The following PSORS1C1 variants were observed in gnomAD, a reference collection of about 807,000 sequenced individuals.
The protein encoded by PSORS1C1 is psoriasis susceptibility 1 candidate 1.
In PSORS1C1, 7 loss-of-function variants were observed where a neutral mutation model predicts 9.4. The ratio of observed to expected loss-of-function variants is 0.75; its 90% CI spans 0.42 to 1.40. PSORS1C1 has a LOEUF of 1.40. Ranked by LOEUF, PSORS1C1 falls within the 40% of genes most tolerant of loss-of-function variation. The pLI, the probability that PSORS1C1 is intolerant of heterozygous loss-of-function variation, is 0.01. For missense variants in PSORS1C1, 146 were observed against 178.1 expected (o/e 0.82, Z 1.02); for synonymous variants, 63 against 69.4 (o/e 0.91, Z 0.46).
At position 31,117,771 on chromosome 6, in the gene PSORS1C1, G is replaced by C. The variant is rs1446695184; in HGVS notation, c.-229+2880G>C. 6 of 544,830 alleles carry C rather than the reference G, an allele frequency of 1.1e-5. No homozygotes were observed. The Admixed American group carries it at 1.2e-4, about 11-fold the overall frequency. The allele number at this position is 544,830 out of a possible 1,614,324, so 33.7% of individuals were successfully genotyped here. A position where few individuals can be genotyped will look rare whatever the true frequency, so the allele number is the denominator to read the frequency against. On this transcript the variant is annotated intron_variant, in intron 1 of 5. Coordinates refer to ENST00000259881, the MANE Select transcript of PSORS1C1 (RefSeq NM_014068.3). ...ACCAACCAGAAAAATAGAAAATTAG[G>C]TGCCAAAGTGAGTGGCCTCAAAGGA...
chr6:31,118,090 CAG>C (rs1772266774), intron 1 of PSORS1C1: 1 of 155,780 alleles, frequency 6.4e-6, no homozygotes, highest in East Asian at 1.9e-4. Flanking sequence ...AATCCTGGGC[CAG>C]ACAGTGGGAC....
At chr6:31,138,517 A>G in intron 4 of PSORS1C1, 58 bp downstream of exon 4, 1 of 1,607,358 alleles carries the variant, frequency 6.2e-7, no homozygotes, top group Non-Finnish European at 8.5e-7. Context: ...CCCCCGATGG[A>G]TCTGAACCGT....
chr6:31,135,074 C>G (rs1238461833), intron 3 of PSORS1C1, among the ~76,000 whole-genome samples: 1 of 152,194 alleles, frequency 6.6e-6, no homozygotes, highest in African/African-American at 2.4e-5. Context: ...ATTCGGCCTC[C>G]CGAAGTGCTG....
chr6:31,117,190 C>T, intron 1 of PSORS1C1: 2 of 1,613,268 alleles, frequency 1.2e-6, no homozygotes, highest in South Asian at 1.1e-5. Context: ...GCCGCTGTTT[C>T]CCGAGTGAGA....
chr6:31,135,809 G>A (rs1773112969), intron 3 of PSORS1C1, among the ~76,000 whole-genome samples: 1 of 151,542 alleles, frequency 6.6e-6, no homozygotes, highest in African/African-American at 2.4e-5. Context: ...GGCCAAGATG[G>A]GCCGATCACT....
chr6:31,136,080 G>A (rs1337240840), intron 3 of PSORS1C1, among the ~76,000 whole-genome samples: 1 of 150,120 alleles, frequency 6.7e-6, no homozygotes, highest in Admixed American at 6.6e-5. Flanking sequence ...GACATGAAAA[G>A]TAACTTATTG....
At position 31,125,796 on chromosome 6, in the gene PSORS1C1, A is replaced by G. The variant is rs1772656112; in HGVS notation, c.-108A>G. 6.6e-6 allele frequency: 1 copy of G among 152,262 alleles called. No homozygotes were observed. The allele number at this position is 152,262 out of a possible 1,614,324, so 9.4% of individuals were successfully genotyped here. A position where few individuals can be genotyped will look rare whatever the true frequency, so the allele number is the denominator to read the frequency against. On this transcript the variant is annotated 5_prime_UTR_variant, in exon 2 of 6. Transcript: ENST00000259881. Reference sequence around the variant, plus strand: ...GTGGCTTTGAAATGCAACAGAAACCATCACCCCCGGACCGTGGGCTCCATG... The same window carrying G: ...GTGGCTTTGAAATGCAACAGAAACCGTCACCCCCGGACCGTGGGCTCCATG...
intron 1 of PSORS1C1, among the ~76,000 whole-genome samples, chr6:31,119,810 G>A (rs1581842319): frequency 2.0e-5 from 3 of 152,268 alleles, no homozygotes; most frequent in African/African-American, 2.4e-5. Flanking sequence ...AGAGGCTGAG[G>A]CATGAGAGTC....
At chr6:31,126,687 C>G (rs1466347320) in intron 2 of PSORS1C1, among the ~76,000 whole-genome samples, 1 of 152,232 alleles carries the variant, frequency 6.6e-6, no homozygotes, top group Non-Finnish European at 1.5e-5. Flanking sequence ...GGAGTGAAGA[C>G]TGGGGCCAGA....
At chr6:31,138,395 C>T in intron 3 of PSORS1C1, 35 bp from the exon 4 acceptor site, 1 of 1,475,934 alleles carries the variant, frequency 6.8e-7, no homozygotes, top group Non-Finnish European at 9.4e-7. Flanking sequence ...AGGAGCCTGT[C>T]TGGATGGACG....
chr6:31,137,204 C>T (rs547532267), intron 3 of PSORS1C1, among the ~76,000 whole-genome samples: 3 of 151,842 alleles, frequency 2.0e-5, no homozygotes, highest in Non-Finnish European at 4.4e-5. Context: ...CGCGTGTAAT[C>T]CCAGCACTTT....
intron 1 of PSORS1C1, chr6:31,117,494 G>A: frequency 6.4e-7 from 1 of 1,551,240 alleles, no homozygotes. Flanking sequence ...TCCTTACAAG[G>A]GTCTGAGAAG....
chr6:31,121,281 G>A (rs143246031), intron 1 of PSORS1C1, among the ~76,000 whole-genome samples: 1,533 of 152,232 alleles, frequency 0.01, 30 homozygotes, highest in African/African-American at 0.033. Context: ...CCCTCCCCAT[G>A]GCTGGTAACC....
Position 31,117,579 on chromosome 6 carries a change from C to T in PSORS1C1, c.-229+2688C>T, listed in dbSNP as rs3130985. 170,938 of 1,484,542 alleles carry T rather than the reference C, an allele frequency of 0.12. 12,470 individuals carry two copies. The highest frequency in any genetic ancestry group is 0.14 in the Non-Finnish European group (154,662 of 1,089,838). 92.0% of individuals were successfully genotyped at this position (1,484,542 alleles called of 1,614,324 possible). On this transcript the variant is annotated intron_variant, in intron 1 of 5. Coordinates refer to ENST00000259881, the MANE Select transcript of PSORS1C1 (RefSeq NM_014068.3). ...AAGGGCCAAGGAGGCTTGGCTTCCT[C>T]CCTCACCTTTCTGCCTTATCTCAGT...
rs147633712 is a variant in PSORS1C1 at position 31,138,718 on chromosome 6, A to C, written c.106A>C (p.Thr36Pro). The C allele has an allele frequency of 6.2e-7, 1 of 1,601,368 alleles. No individual in the cohort carries two copies. Among genetic ancestry groups the C allele is most frequent in the African/African-American group, 1.4e-5 (1 of 70,900 alleles). Reference protein sequence around the residue: ...LLNTDPSSEETRPPHVNPDRL... With the variant: ...LLNTDPSSEEPRPPHVNPDRL... Reference sequence around the variant, plus strand: ...TAACACAGATCCCAGCTCCGAGGAAACTCGTCCCCCCCACGTTAATCCTGA... The same window carrying C: ...TAACACAGATCCCAGCTCCGAGGAACCTCGTCCCCCCCACGTTAATCCTGA... The change falls in exon 5 of 6, where the codon ACT (threonine) becomes CCT (proline). Residue 36 changes from threonine (T) to proline (P), a missense_variant. Transcript: ENST00000259881.
rs755151169 is a variant in PSORS1C1 at position 31,128,858 on chromosome 6, G to A, written c.-64-711G>A. Among the ~76,000 whole-genome samples the A allele has an allele frequency of 6.6e-6, 1 of 152,182 alleles. No homozygotes were observed. The highest frequency in any genetic ancestry group is 2.4e-5 in the African/African-American group (1 of 41,438). ...TTTTATCAAATTTTATTGTCATGAT[G>A]TATATGTTTGTCCTCCCTAAACACA... On this transcript the variant is annotated intron_variant, in intron 2 of 5. Coordinates refer to ENST00000259881, the MANE Select transcript of PSORS1C1 (RefSeq NM_014068.3). This position sits in a 1 kb window ranked among gnomAD's most constrained non-coding sequence, Gnocchi z 4.3.
chr6:31,117,130 T>C, intron 1 of PSORS1C1: 2 of 1,613,416 alleles, frequency 1.2e-6, no homozygotes, highest in Non-Finnish European at 1.7e-6. Flanking sequence ...GCTGCTGAAC[T>C]GAAAGCTGCT....
At position 31,138,728 on chromosome 6, in the gene PSORS1C1, C is replaced by G. The variant is rs1773295285; in HGVS notation, c.116C>G (p.Pro39Arg). 6.8e-6 allele frequency: 11 copies of G among 1,613,890 alleles called. No individual in the cohort carries two copies. The highest frequency in any genetic ancestry group is 2.2e-5 in the South Asian group (2 of 91,082). Residue 39 changes from proline to arginine, a missense_variant, in exon 5 of 6, where the codon CCC becomes CGC. Coordinates refer to ENST00000259881, the MANE Select transcript of PSORS1C1 (RefSeq NM_014068.3). ...CCCAGCTCCGAGGAAACTCGTCCCC[C>G]CCACGTTAATCCTGACCGACTTTGC... Reference protein sequence around the residue: ...TDPSSEETRPPHVNPDRLCHM... With the variant: ...TDPSSEETRPRHVNPDRLCHM...
chr6:31,126,944 C>T (rs1034961842), intron 2 of PSORS1C1, among the ~76,000 whole-genome samples: 13 of 152,208 alleles, frequency 8.5e-5, no homozygotes, highest in African/African-American at 2.7e-4. Flanking sequence ...CTGTGATTAG[C>T]TGTCACAGTA....
Sources: allele counts gnomAD v4.1 joint callset (sites outside exome capture counted in the v4.1 genomes callset), GRCh38; gene constraint gnomAD v4.1.1; non-coding constraint Gnocchi (gnomAD v3.1); transcripts MANE v1.5; gene names NCBI Gene and HGNC (gene_info 2026-07-23, HGNC 2026-07-21).